The following KCND2 variants were observed in gnomAD, a reference collection of about 807,000 sequenced individuals.
KCND2 encodes the protein potassium voltage-gated channel subfamily D member 2, also known as A-type voltage-gated potassium channel KCND2.
In KCND2, 16 loss-of-function variants were observed where a neutral mutation model predicts 54.4. That is an observed-to-expected ratio of 0.29 (90% CI 0.20 to 0.45). KCND2 has a LOEUF of 0.45. KCND2 is among the 20% of genes least tolerant of loss of function. KCND2 has a pLI of 1.00. For synonymous variants in KCND2, 317 were observed against 310.7 expected, an observed-to-expected ratio of 1.02 and a Z score of -0.21; for missense variants, 486 against 824.2, an observed-to-expected ratio of 0.59 and a Z score of 5.02.
intron 1 of KCND2, among the ~76,000 whole-genome samples, chr7:120,712,459 C>T (rs1445911934): frequency 6.6e-6 from 1 of 150,690 alleles, no homozygotes; most frequent in Non-Finnish European, 1.5e-5. Context: ...CAGGGTTTCA[C>T]CATGTTGCCT....
rs545157603 is a variant in KCND2 at position 120,665,792 on chromosome 7, G to A, written c.1116-67111G>A. On this transcript the variant is annotated intron_variant, in intron 1 of 5. Coordinates refer to ENST00000331113, the MANE Select transcript of KCND2 (RefSeq NM_012281.3). ...AAGTAGATTGGATCTTTCTGTGGCT[G>A]TATCTGTTTATTACAAGCACAATTA... Among the ~76,000 whole-genome samples the A allele has an allele frequency of 2.0e-5, 3 of 152,100 alleles. No individual in the cohort carries two copies. In the South Asian group the frequency reaches 6.2e-4, roughly 32 times the overall value.
chr7:120,556,928 T>C (rs367718883), intron 1 of KCND2, among the ~76,000 whole-genome samples: 5 of 152,302 alleles, frequency 3.3e-5, no homozygotes, highest in African/African-American at 1.2e-4. Flanking sequence ...GCAATGTTAT[T>C]CACTAATGTT....
At chr7:120,656,804 C>T (rs955244447) in intron 1 of KCND2, among the ~76,000 whole-genome samples, 1 of 152,078 alleles carries the variant, frequency 6.6e-6, no homozygotes, top group African/African-American at 2.4e-5. Context: ...CCCTCAATAC[C>T]TCATTTATCT....
At chr7:120,690,825 G>A (rs1200802978) in intron 1 of KCND2, among the ~76,000 whole-genome samples, 1 of 152,140 alleles carries the variant, frequency 6.6e-6, no homozygotes, top group Non-Finnish European at 1.5e-5. Flanking sequence ...TGGGAGGTGG[G>A]AGGGAGGACA....
intron 1 of KCND2, among the ~76,000 whole-genome samples, chr7:120,290,531 C>T (rs1799419359): frequency 6.6e-6 from 1 of 151,864 alleles, no homozygotes; most frequent in Non-Finnish European, 1.5e-5. Context: ...CCAGACCATT[C>T]TTATGAATTT....
chr7:120,329,037 A>G (rs1800023591), intron 1 of KCND2, among the ~76,000 whole-genome samples: 1 of 152,010 alleles, frequency 6.6e-6, no homozygotes, highest in African/African-American at 2.4e-5. Context: ...ATGGGCAGCT[A>G]CTGCAATCTA....
intron 1 of KCND2, among the ~76,000 whole-genome samples, chr7:120,378,039 T>C (rs1158593070): frequency 6.6e-6 from 1 of 151,964 alleles, no homozygotes; most frequent in Non-Finnish European, 1.5e-5. Flanking sequence ...GAATGATGCA[T>C]AGAAGGTAGT....
At chr7:120,415,460 T>C (rs1209164244) in intron 1 of KCND2, among the ~76,000 whole-genome samples, 1 of 152,074 alleles carries the variant, frequency 6.6e-6, no homozygotes, top group Non-Finnish European at 1.5e-5. Context: ...AGTTTTTGGG[T>C]ATTCTGCCTA....
intron 1 of KCND2, among the ~76,000 whole-genome samples, chr7:120,525,559 C>G (rs1477475212): frequency 1.3e-5 from 2 of 152,136 alleles, no homozygotes; most frequent in Non-Finnish European, 2.9e-5. Context: ...GGCAGGAAAT[C>G]CCAGTCTTTT....
chr7:120,489,718 A>G (rs1202245403), intron 1 of KCND2, among the ~76,000 whole-genome samples: 1 of 152,192 alleles, frequency 6.6e-6, no homozygotes, highest in East Asian at 1.9e-4. Flanking sequence ...TATTTCATTC[A>G]GTTAAAGAAA....
chr7:120,600,584 G>T (rs936534479), intron 1 of KCND2, among the ~76,000 whole-genome samples: 2 of 151,978 alleles, frequency 1.3e-5, no homozygotes, highest in African/African-American at 4.8e-5. Flanking sequence ...CCAACAGACT[G>T]TGAAAGTAAG....
intron 1 of KCND2, among the ~76,000 whole-genome samples, chr7:120,307,294 G>A (rs1799662173): frequency 6.6e-6 from 1 of 151,934 alleles, no homozygotes; most frequent in African/African-American, 2.4e-5. Context: ...TCAGTGAGGG[G>A]AATTTTCAGC....
At chr7:120,401,761 T>C (rs994330730) in intron 1 of KCND2, among the ~76,000 whole-genome samples, 1 of 152,212 alleles carries the variant, frequency 6.6e-6, no homozygotes, top group African/African-American at 2.4e-5. Context: ...TGCTTTGTTA[T>C]TCTATCCCTT....
chr7:120,605,348 T>C (rs1183661780), intron 1 of KCND2, among the ~76,000 whole-genome samples: 2 of 152,236 alleles, frequency 1.3e-5, no homozygotes, highest in African/African-American at 2.4e-5. Flanking sequence ...ATCTAGAATC[T>C]TTCACCTAGC....
chr7:120,626,146 T>C (rs956529086), intron 1 of KCND2, among the ~76,000 whole-genome samples: 2 of 152,178 alleles, frequency 1.3e-5, no homozygotes, highest in Admixed American at 6.5e-5. Flanking sequence ...GAATTTTCTT[T>C]TTTATTGCTT....
At chr7:120,692,970 T>A (rs571650411) in intron 1 of KCND2, among the ~76,000 whole-genome samples, 1 of 152,330 alleles carries the variant, frequency 6.6e-6, no homozygotes, top group African/African-American at 2.4e-5. Context: ...ATTATTCATT[T>A]AATCAAAGGA....
In KCND2 at chr7:120,670,154, A is replaced by T. The variant is rs572616529; in HGVS notation, c.1116-62749A>T. ...CACCTGTATACCAAAAATCCTGAAA[A>T]TTAATAAAATAAAATAAAAAGTCAT... is the stretch of plus-strand genomic sequence containing the variant. On this transcript the variant is annotated intron_variant, in intron 1 of 5. Transcript: ENST00000331113. Among the ~76,000 whole-genome samples the T allele has an allele frequency of 7.2e-5, 11 of 152,188 alleles. No individual in the cohort carries two copies. In the South Asian group the frequency reaches 2.3e-3, roughly 32 times the overall value.
At chr7:120,611,178 A>G (rs952804320) in intron 1 of KCND2, among the ~76,000 whole-genome samples, 7 of 152,196 alleles carry the variant, frequency 4.6e-5, no homozygotes, top group African/African-American at 1.7e-4. Flanking sequence ...GGGTTCCTCT[A>G]TGCTTTATTT....
intron 1 of KCND2, among the ~76,000 whole-genome samples, chr7:120,413,861 C>T (rs552343196): frequency 8.6e-5 from 13 of 151,378 alleles, no homozygotes; most frequent in East Asian, 7.8e-4. Flanking sequence ...TCAATGTTTC[C>T]GAGATGCTTT....
Sources: gnomAD v4.1 joint callset for allele counts (sites outside exome capture counted in the v4.1 genomes callset) on GRCh38, gnomAD v4.1.1 for gene constraint, MANE v1.5 for transcripts, NCBI Gene and HGNC (gene_info 2026-07-23, HGNC 2026-07-21) for gene names.